GSPT1: variants seen among roughly 807,000 people sequenced by gnomAD.
GSPT1 encodes eukaryotic peptide chain release factor GTP-binding subunit ERF3A.
In GSPT1, 20 loss-of-function variants were observed where a neutral mutation model predicts 72.5. The observed-to-expected ratio is 0.28, with a 90% confidence interval of 0.19 to 0.40. The LOEUF (loss-of-function observed/expected upper bound fraction) is 0.40, where lower values mean the gene tolerates loss of function less well. Among genes scored for constraint, GSPT1 ranks in the 10% least tolerant of loss-of-function variants. The pLI is 1.00. For synonymous variants in GSPT1, 334 were observed against 293.5 expected, an observed-to-expected ratio of 1.14 and a Z score of -1.41; for missense variants, 580 against 811.9, an observed-to-expected ratio of 0.71 and a Z score of 3.47.
chr16:11,903,847 T>G (rs1023153112), intron 1 of GSPT1: 1 of 152,352 alleles, frequency 6.6e-6, no homozygotes, highest in African/African-American at 2.4e-5. Context: ...CATATTCATG[T>G]GTCGTAGTTC....
intron 1 of GSPT1, among the ~76,000 whole-genome samples, chr16:11,914,315 C>T (rs2054597726): frequency 6.6e-6 from 1 of 152,156 alleles, no homozygotes; most frequent in Non-Finnish European, 1.5e-5. Context: ...AAAATAAGCA[C>T]CATTATGAGA....
At chr16:11,879,850 C>A (rs2054100103) in intron 11 of GSPT1, among the ~76,000 whole-genome samples, 1 of 151,978 alleles carries the variant, frequency 6.6e-6, no homozygotes, top group African/African-American at 2.4e-5. Flanking sequence ...CCATTAATTA[C>A]TTACTGTGGT....
At chr16:11,887,198 G>GA (rs1218040438) in intron 7 of GSPT1, among the ~76,000 whole-genome samples, 4 of 151,370 alleles carry the variant, frequency 2.6e-5, no homozygotes, top group African/African-American at 9.7e-5. Context: ...AACTACAAAG[G>GA]AAAAAAAATT....
At chr16:11,905,267 T>TA (rs1219281893) in intron 1 of GSPT1, among the ~76,000 whole-genome samples, 1 of 152,228 alleles carries the variant, frequency 6.6e-6, no homozygotes, top group African/African-American at 2.4e-5. Context: ...TGTGACATGA[T>TA]AGTCACCAGC....
chr16:11,915,499 C>T lies in GSPT1; in HGVS notation c.222G>A (p.Lys74=), dbSNP rs750355995. Residue 74 remains lysine (K), a synonymous_variant, in exon 1 of 15, where the codon AAG becomes AAA. Coordinates refer to ENST00000434724, the MANE Select transcript of GSPT1 (RefSeq NM_002094.4). ...CGGCGTGGACGTTGGGCACGAAGGG[C>T]TTGGCGTTGACGTTGAGTTGCCGGC... ...AFSRQLNVNA[K]PFVPNVHAAE... 6.5e-7 allele frequency: 1 copy of T among 1,549,408 alleles called. No individual in the cohort carries two copies.
chr16:11,902,860 TACA>T (rs2054432378), intron 1 of GSPT1, among the ~76,000 whole-genome samples: 1 of 151,936 alleles, frequency 6.6e-6, no homozygotes, highest in African/African-American at 2.4e-5. Flanking sequence ...GTCCCGGGAT[TACA>T]GTCATGAGCC....
rs1286588515 is a variant in GSPT1, at chr16:11,869,416, GAGAT to G, written c.*3699_*3702del. Reference sequence around the variant, plus strand: ...GCAAGAAATAAAAGCCTATTATTTGGAGATAGATAATTGTCCCCTGAATCCACTG... The same window carrying G: ...GCAAGAAATAAAAGCCTATTATTTGGAGATAATTGTCCCCTGAATCCACTG... On this transcript the variant is annotated 3_prime_UTR_variant, in exon 15 of 15. Transcript: ENST00000434724. 6.6e-6 allele frequency: 1 copy of G among 152,210 alleles called. No homozygotes were observed. Among genetic ancestry groups the G allele is most frequent in the Non-Finnish European group, 1.5e-5 (1 of 68,036 alleles). 9.4% of individuals were successfully genotyped at this position (152,210 alleles called of 1,614,324 possible).
chr16:11,916,071 G>A, upstream of GSPT1: 5 of 549,612 alleles, frequency 9.1e-6, no homozygotes, highest in East Asian at 4.9e-5. Flanking sequence ...TGTTCTGGCC[G>A]CCCCCGTTTC....
intron 14 of GSPT1, among the ~76,000 whole-genome samples, chr16:11,874,374 C>T (rs1369874938): frequency 2.0e-5 from 3 of 150,986 alleles, no homozygotes; most frequent in Non-Finnish European, 2.9e-5. Context: ...GCAGTGAACA[C>T]GTCCTTCTGG....
chr16:11,886,559 T>C lies in GSPT1; in HGVS notation c.1165A>G (p.Asn389Asp). Residue 389 changes from asparagine to aspartate, a missense_variant, in exon 9 of 15, where the codon AAT (asparagine) becomes GAT (aspartate). Physicochemically the swap from Asn to Asp is conservative, Grantham distance 23. Transcript: ENST00000434724. ...LVPFLKKVGF[N>D]PKKDIHFMPC... ...ATAAAGTGAATGTCCTTTTTGGGAT[T>C]GAAGCCAACTTTTTTCAAAAATGGC... 1 of 1,612,786 alleles carries C rather than the reference T, an allele frequency of 6.2e-7. No individual in the cohort carries two copies. The highest frequency in any genetic ancestry group is 8.5e-7 in the Non-Finnish European group (1 of 1,178,820).
chr16:11,911,658 T>C (rs553745672), intron 1 of GSPT1, among the ~76,000 whole-genome samples: 7 of 151,510 alleles, frequency 4.6e-5, no homozygotes, highest in African/African-American at 1.7e-4. Context: ...ATTCAAGTGA[T>C]TCTCCTGCCT....
chr16:11,915,336 G>T, intron 1 of GSPT1, 33 bp downstream of exon 1: 1 of 1,434,106 alleles, frequency 7.0e-7, no homozygotes. Context: ...TCCGGCGCCC[G>T]GCCGGACTTC....
Position 11,876,175 on chromosome 16 carries a change from T to C in GSPT1, c.1603A>G (p.Ile535Val). The change falls in exon 13 of 15, where the codon ATA (isoleucine) becomes GTA (valine). Residue 535 changes from isoleucine to valine, a missense_variant and splice_region_variant. Physicochemically the swap from Ile to Val is conservative, Grantham distance 29. This residue lies in a region of GSPT1 where 120 missense variants were observed against 242.5 expected (regional missense o/e 0.49). Coordinates refer to ENST00000434724, the MANE Select transcript of GSPT1 (RefSeq NM_002094.4). ...CHSGRTFDAQ[I>V]VIIEHKSIIC... ...ATGGATTTGTGCTCTATAATCACTA[T>C]CTGTCAAACAAACACACACATTCTT... 6.3e-7 allele frequency: 1 copy of C among 1,576,428 alleles called. No individual in the cohort carries two copies. Among genetic ancestry groups the C allele is most frequent in the East Asian group, 2.2e-5 (1 of 44,696 alleles).
intron 6 of GSPT1, among the ~76,000 whole-genome samples, chr16:11,889,478 C>G (rs982902637): frequency 2.0e-5 from 3 of 149,182 alleles, no homozygotes; most frequent in Non-Finnish European, 3.0e-5. Flanking sequence ...GCTGGGATTA[C>G]AGGTGCCCAC....
At chr16:11,885,033 A>G (rs458548) in intron 10 of GSPT1, 148 bp downstream of exon 10, 33,587 of 517,756 alleles carry the variant, frequency 0.065, 1,525 homozygotes, top group South Asian at 0.14. Context: ...GCGCCACTGC[A>G]CTCCAGCCTG....
At chr16:11,874,992 C>T (rs1392719733) in intron 14 of GSPT1, among the ~76,000 whole-genome samples, 2 of 152,178 alleles carry the variant, frequency 1.3e-5, no homozygotes, top group Non-Finnish European at 2.9e-5. Context: ...GAGATCAAGA[C>T]CATCCTGGCT....
chr16:11,908,234 TC>T (rs1287341395), intron 1 of GSPT1: 2 of 151,850 alleles, frequency 1.3e-5, no homozygotes, highest in African/African-American at 4.8e-5. Flanking sequence ...ATAGAGAGAT[TC>T]ATCTCAAAAA....
rs2053957326 is a variant in GSPT1 at position 11,869,650 on chromosome 16, A to T, written c.*3469T>A. 1 of 152,226 alleles carries T rather than the reference A, an allele frequency of 6.6e-6. No individual in the cohort carries two copies. The highest frequency in any genetic ancestry group is 1.5e-5 in the Non-Finnish European group (1 of 68,050). 9.4% of individuals were successfully genotyped at this position (152,226 alleles called of 1,614,324 possible). A position where few individuals can be genotyped will look rare whatever the true frequency, so the allele number is the denominator to read the frequency against. ...CGTATTTTCCCCTTGACTACCTTAA[A>T]TCCCTACCCAAAGCAATGAAGCTAT... On this transcript the variant is annotated 3_prime_UTR_variant, in exon 15 of 15. Coordinates refer to ENST00000434724, the MANE Select transcript of GSPT1 (RefSeq NM_002094.4).
chr16:11,912,076 G>GGGGC (rs1555506174), intron 1 of GSPT1, among the ~76,000 whole-genome samples: 1 of 142,092 alleles, frequency 7.0e-6, no homozygotes, highest in Non-Finnish European at 1.5e-5. Flanking sequence ...GCCAGGCGCG[G>GGGGC]TCACACCTGT....
Sources: allele counts gnomAD v4.1 joint callset (sites outside exome capture counted in the v4.1 genomes callset), GRCh38; gene constraint gnomAD v4.1.1; regional missense constraint gnomAD v4.1.1; transcripts MANE v1.5; gene names NCBI Gene and HGNC (gene_info 2026-07-23, HGNC 2026-07-21).